The following DGKB variants were observed in gnomAD, a reference collection of about 807,000 sequenced individuals.
The protein encoded by DGKB is diacylglycerol kinase beta.
A neutral mutation model predicts 114.3 loss-of-function variants in DGKB; 67 were observed. That is an observed-to-expected ratio of 0.59 (90% CI 0.48 to 0.72). The LOEUF (loss-of-function observed/expected upper bound fraction) is 0.72. Among genes scored for constraint, DGKB ranks in the 30% least tolerant of loss-of-function variants. The pLI, the probability that DGKB is intolerant of heterozygous loss-of-function variation, is 0.00. For missense variants in DGKB, 907 were observed against 975.2 expected, an observed-to-expected ratio of 0.93 and a Z score of 0.93; for synonymous variants, 398 against 323.1, an observed-to-expected ratio of 1.23 and a Z score of -2.49.
At chr7:14,658,605 G>T (rs1816342517) in intron 13 of DGKB, among the ~76,000 whole-genome samples, 1 of 151,736 alleles carries the variant, frequency 6.6e-6, no homozygotes, top group Non-Finnish European at 1.5e-5. Flanking sequence ...AATACTCAAG[G>T]TGATGTATAC....
At chr7:14,536,844 A>AG (rs1012610163) in intron 20 of DGKB, among the ~76,000 whole-genome samples, 3 of 145,990 alleles carry the variant, frequency 2.1e-5, no homozygotes, top group African/African-American at 7.9e-5. Context: ...AGAAAGGAAA[A>AG]AAACAACAAC....
intron 2 of DGKB, among the ~76,000 whole-genome samples, chr7:14,794,524 C>G (rs1841128003): frequency 6.6e-6 from 1 of 152,058 alleles, no homozygotes; most frequent in Non-Finnish European, 1.5e-5. Flanking sequence ...AAAACATAAG[C>G]TAAGGATTTG....
intron 20 of DGKB, among the ~76,000 whole-genome samples, chr7:14,562,448 G>C (rs894517515): frequency 2.0e-5 from 3 of 152,192 alleles, no homozygotes; most frequent in Non-Finnish European, 4.4e-5. Flanking sequence ...CTGGCAGCTT[G>C]CACCTTGCAC....
chr7:14,714,599 T>C (rs1168597428), intron 6 of DGKB, among the ~76,000 whole-genome samples: 1 of 152,044 alleles, frequency 6.6e-6, no homozygotes, highest in East Asian at 1.9e-4. Flanking sequence ...AGTAAGATGA[T>C]GATTAAATAG....
intron 4 of DGKB, among the ~76,000 whole-genome samples, chr7:14,752,026 A>T (rs983571571): frequency 6.6e-6 from 1 of 152,158 alleles, no homozygotes; most frequent in African/African-American, 2.4e-5. Context: ...CAGTCCAATA[A>T]GGCTGATGCT....
At chr7:14,253,255 G>A (rs893572936) in intron 23 of DGKB, among the ~76,000 whole-genome samples, 1 of 151,916 alleles carries the variant, frequency 6.6e-6, no homozygotes, top group Admixed American at 6.6e-5. Context: ...GGCTGGTCTC[G>A]AACTCCTGAC....
chr7:14,397,615 A>G (rs1822440674), intron 21 of DGKB, among the ~76,000 whole-genome samples: 1 of 151,888 alleles, frequency 6.6e-6, no homozygotes, highest in South Asian at 2.1e-4. Context: ...CACTTCTATC[A>G]CTATGTGTGA....
chr7:14,314,328 T>C (rs1806047626), intron 23 of DGKB, among the ~76,000 whole-genome samples: 2 of 152,030 alleles, frequency 1.3e-5, no homozygotes, highest in African/African-American at 4.8e-5. Context: ...ATGATCAAAT[T>C]ACTCTGAGCT....
At chr7:14,582,209 G>A (rs1800033049) in intron 18 of DGKB, among the ~76,000 whole-genome samples, 1 of 152,106 alleles carries the variant, frequency 6.6e-6, no homozygotes, top group Admixed American at 6.6e-5. Context: ...ACCAAAAAGA[G>A]TCAATATTTG....
intron 5 of DGKB, among the ~76,000 whole-genome samples, chr7:14,721,668 T>C (rs1829193610): frequency 1.3e-5 from 2 of 152,148 alleles, no homozygotes; most frequent in Admixed American, 6.5e-5. Flanking sequence ...AATATGGGCA[T>C]ATATTCAATC....
At chr7:14,191,992 C>T in intron 23 of DGKB, 1 of 591,340 alleles carries the variant, frequency 1.7e-6, no homozygotes, top group Non-Finnish European at 2.9e-6. Flanking sequence ...CTGGCAAGCT[C>T]CTGTGTTGAG....
Position 14,701,386 on chromosome 7 carries a change from T to C in DGKB, c.516+295A>G, listed in dbSNP as rs17669066. Among the ~76,000 whole-genome samples the C allele has an allele frequency of 1.0e-2, 1,522 of 152,342 alleles. 13 individuals are homozygous for C. The highest frequency in any genetic ancestry group is 0.015 in the Non-Finnish European group (1,053 of 68,030). On this transcript the variant is annotated intron_variant, in intron 7 of 25. Coordinates refer to ENST00000402815, the MANE Select transcript of DGKB (RefSeq NM_001350709.2). ...AATCAATGGTTTCAACTTAATCTTA[T>C]GTTTTATTCAGACAAGGCTGGTGCC...
At chr7:14,836,076 T>TA (rs1288511514) in intron 2 of DGKB, among the ~76,000 whole-genome samples, 1 of 152,120 alleles carries the variant, frequency 6.6e-6, no homozygotes, top group Admixed American at 6.5e-5. Context: ...GAGGCTCAGG[T>TA]AGTTTATGTT....
chr7:14,492,045 A>G (rs1464188916), intron 20 of DGKB, among the ~76,000 whole-genome samples: 2 of 152,112 alleles, frequency 1.3e-5, no homozygotes, highest in African/African-American at 2.4e-5. Flanking sequence ...ATCCTTATAA[A>G]TGATTAATTT....
chr7:14,668,895 A>G (rs1372151045), intron 13 of DGKB, among the ~76,000 whole-genome samples: 1 of 152,132 alleles, frequency 6.6e-6, no homozygotes, highest in Non-Finnish European at 1.5e-5. Flanking sequence ...GGCTGTGCCT[A>G]TTCCATTCAT....
chr7:14,211,248 A>G (rs777643323), intron 23 of DGKB, among the ~76,000 whole-genome samples: 1 of 151,870 alleles, frequency 6.6e-6, no homozygotes, highest in Non-Finnish European at 1.5e-5. Context: ...GAAACGTGTG[A>G]CCATTACTTC....
In DGKB at chr7:14,293,545, G is replaced by T. The variant is rs531676429; in HGVS notation, c.2122+44970C>A. ...AATAAAGAAACTTGTAAGACAGAAA[G>T]AAATAAATAAAAAACACATAAATCA... is the stretch of plus-strand genomic sequence containing the variant. On this transcript the variant is annotated intron_variant, in intron 23 of 25. Transcript: ENST00000402815. Among the ~76,000 whole-genome samples the T allele has an allele frequency of 1.1e-4, 16 of 152,170 alleles. No individual in the cohort carries two copies. In the East Asian group the frequency reaches 1.2e-3, roughly 11 times the overall value.
At chr7:14,670,122 A>G (rs1022926291) in intron 13 of DGKB, among the ~76,000 whole-genome samples, 4 of 152,036 alleles carry the variant, frequency 2.6e-5, no homozygotes, top group African/African-American at 9.7e-5. Context: ...TTTGTTTTCA[A>G]TAGTGTAAAT....
chr7:14,819,178 C>G (rs1445230094), intron 2 of DGKB, among the ~76,000 whole-genome samples: 2 of 151,934 alleles, frequency 1.3e-5, no homozygotes, highest in African/African-American at 4.8e-5. Flanking sequence ...TACAGAGTAC[C>G]TAGTGTGTAT....
Sources: gnomAD v4.1 joint callset for allele counts (sites outside exome capture counted in the v4.1 genomes callset) on GRCh38, gnomAD v4.1.1 for gene constraint, MANE v1.5 for transcripts, NCBI Gene and HGNC (gene_info 2026-07-23, HGNC 2026-07-21) for gene names.